The following ANKRD62 variants were observed in gnomAD, a reference collection of about 807,000 sequenced individuals.
The protein encoded by ANKRD62 is ankyrin repeat domain-containing protein 62.
A neutral mutation model predicts 98.8 loss-of-function variants in ANKRD62; 61 were observed. That is an observed-to-expected ratio of 0.62 (90% CI 0.50 to 0.76). The LOEUF is 0.76. Among genes scored for constraint, ANKRD62 ranks in the 30% least tolerant of loss-of-function variants. ANKRD62 has a pLI of 0.00. For missense variants in ANKRD62, 933 were observed against 1,082.9 expected (o/e 0.86, Z 1.94); for synonymous variants, 341 against 367.9 (o/e 0.93, Z 0.84).
chr18:12,121,835 A>G (rs914566088), intron 10 of ANKRD62, among the ~76,000 whole-genome samples: 6 of 152,202 alleles, frequency 3.9e-5, no homozygotes, highest in Non-Finnish European at 7.3e-5. Context: ...GGTAAGGAGG[A>G]AAATCAGCAC....
intron 7 of ANKRD62, 94 bp downstream of exon 7, chr18:12,103,322 T>C (rs1273382814): frequency 2.7e-5 from 17 of 640,946 alleles, no homozygotes; most frequent in Non-Finnish European, 3.7e-5. Context: ...TTAGAATCAA[T>C]TGAATGTAAT....
intron 10 of ANKRD62, among the ~76,000 whole-genome samples, chr18:12,121,417 T>G (rs1427743524): frequency 6.6e-6 from 1 of 152,158 alleles, no homozygotes; most frequent in African/African-American, 2.4e-5. Flanking sequence ...TCTCCTCATC[T>G]TTTTCTATCG....
Position 12,115,491 on chromosome 18 carries a change from G to T in ANKRD62, c.1197G>T (p.Glu399Asp), listed in dbSNP as rs201296985. The stretch of plus-strand genomic sequence containing the variant: ...ATGAGTTGCCTTACTCTGATGATGA[G>T]AATTTTATGTTACTCATTGAACAAA... ...EDDELPYSDDENFMLLIEQSG... is the reference protein window; with the variant it reads ...EDDELPYSDDDNFMLLIEQSG... Residue 399 changes from glutamate to aspartate, a missense_variant, in exon 10 of 14, where the codon GAG becomes GAT. By Grantham distance (45) the Glu-to-Asp change is conservative. Coordinates refer to ENST00000587848, the MANE Select transcript of ANKRD62 (RefSeq NM_001277333.2). 2 of 1,537,466 alleles carry T rather than the reference G, an allele frequency of 1.3e-6. No homozygotes were observed. Among genetic ancestry groups the T allele is most frequent in the African/African-American group, 1.4e-5 (1 of 73,002 alleles).
At chr18:12,179,047 C>T in the ANKRD62 span, among the ~76,000 whole-genome samples, 1 of 145,916 alleles carries the variant, frequency 6.9e-6, no homozygotes, top group East Asian at 2.1e-4. Flanking sequence ...ACATAGGAAC[C>T]GAGGGAGAGG....
intron 10 of ANKRD62, among the ~76,000 whole-genome samples, chr18:12,116,316 G>T (rs1909663810): frequency 6.6e-6 from 1 of 152,168 alleles, no homozygotes; most frequent in South Asian, 2.1e-4. Flanking sequence ...GACAGTTGCG[G>T]TTACTGTGTT....
At chr18:12,135,149 G>A in the ANKRD62 span, among the ~76,000 whole-genome samples, 4 of 149,194 alleles carry the variant, frequency 2.7e-5, no homozygotes, top group East Asian at 2.0e-4. Context: ...CCATTAACTC[G>A]TCATTTAACA....
chr18:12,151,949 C>G, the ANKRD62 span, among the ~76,000 whole-genome samples: 1 of 151,896 alleles, frequency 6.6e-6, no homozygotes, highest in African/African-American at 2.4e-5. Context: ...TGCACACAAA[C>G]TAGAAAACCT....
chr18:12,099,220 T>C (rs542719746), intron 5 of ANKRD62, among the ~76,000 whole-genome samples: 1 of 152,374 alleles, frequency 6.6e-6, no homozygotes, highest in Admixed American at 6.5e-5. Flanking sequence ...ATTGCTTTAC[T>C]ATTTCTCTGA....
At chr18:12,141,123 G>A in the ANKRD62 span, among the ~76,000 whole-genome samples, 8 of 152,226 alleles carry the variant, frequency 5.3e-5, no homozygotes, top group African/African-American at 1.9e-4. Flanking sequence ...AGCAATGAGC[G>A]AGGCTCTGTG....
chr18:12,098,905 G>T (rs1265494250), intron 5 of ANKRD62, among the ~76,000 whole-genome samples: 1 of 152,198 alleles, frequency 6.6e-6, no homozygotes, highest in Non-Finnish European at 1.5e-5. Flanking sequence ...GTCCAAGCCA[G>T]GTCTTGACAT....
the ANKRD62 span, among the ~76,000 whole-genome samples, chr18:12,138,380 T>C: frequency 6.6e-6 from 1 of 152,208 alleles, no homozygotes; most frequent in South Asian, 2.1e-4. Flanking sequence ...CAATTCTGAG[T>C]TCTAGTTTGA....
the ANKRD62 span, among the ~76,000 whole-genome samples, chr18:12,172,657 A>G: frequency 1.3e-5 from 2 of 151,872 alleles, no homozygotes; most frequent in Non-Finnish European, 2.9e-5. Flanking sequence ...TTAGACAGGG[A>G]TGTTTAAGTT....
chr18:12,106,880 A>G (rs1295265665), intron 7 of ANKRD62, among the ~76,000 whole-genome samples: 3 of 152,192 alleles, frequency 2.0e-5, no homozygotes, highest in East Asian at 1.9e-4. Flanking sequence ...GAAGCCCCAC[A>G]ATATCACATC....
chr18:12,095,914 C>G (rs891345409), intron 3 of ANKRD62, among the ~76,000 whole-genome samples: 1 of 152,116 alleles, frequency 6.6e-6, no homozygotes, highest in Non-Finnish European at 1.5e-5. Flanking sequence ...ATCTGGATTC[C>G]CTTGAGCTCA....
At chr18:12,119,765 T>C (rs920993697) in intron 10 of ANKRD62, among the ~76,000 whole-genome samples, 92 of 152,116 alleles carry the variant, frequency 6.0e-4, no homozygotes, top group African/African-American at 2.2e-3. Context: ...TATTTATTTA[T>C]TTATTTTCAT....
chr18:12,109,572 T>C (rs971795856), intron 8 of ANKRD62, among the ~76,000 whole-genome samples: 1 of 152,206 alleles, frequency 6.6e-6, no homozygotes, highest in African/African-American at 2.4e-5. Context: ...ACATAATCGT[T>C]AGTTATAAAA....
chr18:12,095,604 A>AAGCC lies in ANKRD62; in HGVS notation c.504_507dup (p.Asp170ProfsTer13), dbSNP rs1428170820. The AAGCC allele has an allele frequency of 1.3e-6, 2 of 1,512,390 alleles. No homozygotes were observed. 93.7% of individuals were successfully genotyped at this position (1,512,390 alleles called of 1,614,324 possible). ...CATATGGTGCAGATATTGAAGCAAG[A>AAGCC]AGCCAGGTATGATCAACCAATGTTC... On this transcript the variant is annotated frameshift_variant, in exon 3 of 14. Coordinates refer to ENST00000587848, the MANE Select transcript of ANKRD62 (RefSeq NM_001277333.2). LOFTEE classifies it high-confidence loss of function.
At chr18:12,137,022 A>G in the ANKRD62 span, among the ~76,000 whole-genome samples, 2 of 152,036 alleles carry the variant, frequency 1.3e-5, no homozygotes, top group Admixed American at 6.6e-5. Context: ...CCTCTTTCCT[A>G]ATTGAATGCC....
At chr18:12,138,954 G>A in the ANKRD62 span, among the ~76,000 whole-genome samples, 1 of 152,146 alleles carries the variant, frequency 6.6e-6, no homozygotes, top group Admixed American at 6.5e-5. Flanking sequence ...CGTGAGATGG[G>A]TTTCCTGAAT....
Sources: gnomAD v4.1 joint callset for allele counts (sites outside exome capture counted in the v4.1 genomes callset) on GRCh38, gnomAD v4.1.1 for gene constraint, MANE v1.5 for transcripts, NCBI Gene and HGNC (gene_info 2026-07-23, HGNC 2026-07-21) for gene names.